FBXO34: variants seen among roughly 807,000 people sequenced by gnomAD.
FBXO34 encodes F-box only protein 34.
In FBXO34, 12 loss-of-function variants were observed where a neutral mutation model predicts 24.5. The ratio of observed to expected loss-of-function variants is 0.49; its 90% CI spans 0.31 to 0.79. The LOEUF (loss-of-function observed/expected upper bound fraction) is 0.79, where lower values mean the gene tolerates loss of function less well. Ranked by LOEUF, FBXO34 falls within the 30% of genes least tolerant of loss-of-function variation. The pLI is 0.04. For synonymous variants in FBXO34, 320 were observed against 311.9 expected, an observed-to-expected ratio of 1.03 and a Z score of -0.27; for missense variants, 823 against 857.7, an observed-to-expected ratio of 0.96 and a Z score of 0.51.
At chr14:55,434,076 A>G in the FBXO34 span, among the ~76,000 whole-genome samples, 1 of 152,138 alleles carries the variant, frequency 6.6e-6, no homozygotes, top group African/African-American at 2.4e-5. Context: ...AAGATTCAAA[A>G]CCCACACTAA....
At chr14:55,374,819 A>C (rs1369003338), downstream of FBXO34, among the ~76,000 whole-genome samples, 3 of 152,200 alleles carry the variant, frequency 2.0e-5, no homozygotes, top group Non-Finnish European at 4.4e-5. Flanking sequence ...TTCCACATAT[A>C]CAAGAGTCTG....
intron 1 of FBXO34, among the ~76,000 whole-genome samples, chr14:55,298,284 G>C (rs1305589354): frequency 1.3e-5 from 2 of 151,746 alleles, no homozygotes; most frequent in East Asian, 3.9e-4. Flanking sequence ...AGTTCTTTCA[G>C]TGTGGCCCAG....
At chr14:55,378,560 C>CCACA in the FBXO34 span, among the ~76,000 whole-genome samples, 1 of 152,146 alleles carries the variant, frequency 6.6e-6, no homozygotes, top group Non-Finnish European at 1.5e-5. Flanking sequence ...TTCTTTTTAC[C>CCACA]CACAGCCTCT....
the FBXO34 span, among the ~76,000 whole-genome samples, chr14:55,438,470 G>A: frequency 1.3e-5 from 2 of 152,108 alleles, no homozygotes; most frequent in African/African-American, 2.4e-5. Context: ...TCCACTGCAG[G>A]GTTTCCTTGG....
intron 1 of FBXO34, among the ~76,000 whole-genome samples, chr14:55,322,114 A>G (rs1883154815): frequency 1.3e-5 from 2 of 151,762 alleles, no homozygotes; most frequent in African/African-American, 4.8e-5. Flanking sequence ...CGAGGTCAGG[A>G]GATCGAGACC....
chr14:55,331,486 TA>T (rs1417055790), intron 1 of FBXO34, among the ~76,000 whole-genome samples: 2 of 150,388 alleles, frequency 1.3e-5, no homozygotes, highest in Non-Finnish European at 3.0e-5. Flanking sequence ...AATAAATACA[TA>T]ACACCTCAAT....
At chr14:55,283,156 T>A (rs1403020940) in intron 1 of FBXO34, among the ~76,000 whole-genome samples, 1 of 152,214 alleles carries the variant, frequency 6.6e-6, no homozygotes, top group Non-Finnish European at 1.5e-5. Context: ...TATCAAAATG[T>A]TTCCTGAAAA....
chr14:55,411,491 C>T, the FBXO34 span: 14 of 1,069,104 alleles, frequency 1.3e-5, no homozygotes, highest in Admixed American at 3.4e-4. Flanking sequence ...CTCTCTCGCT[C>T]CTCTCGCTGG....
At chr14:55,387,659 A>T in the FBXO34 span, among the ~76,000 whole-genome samples, 5 of 152,010 alleles carry the variant, frequency 3.3e-5, no homozygotes, top group Non-Finnish European at 7.4e-5. Context: ...GGTTGCACGC[A>T]TTAGATTTCT....
downstream of FBXO34, among the ~76,000 whole-genome samples, chr14:55,358,398 G>A (rs1884550235): frequency 6.6e-6 from 1 of 152,066 alleles, no homozygotes. Context: ...TATTTGCAGG[G>A]CCCATGGCAG....
At chr14:55,404,967 T>G in the FBXO34 span, among the ~76,000 whole-genome samples, 1 of 152,156 alleles carries the variant, frequency 6.6e-6, no homozygotes, top group Non-Finnish European at 1.5e-5. Context: ...AAACCTTTTA[T>G]AAGTTCTAAA....
At chr14:55,429,243 G>C in the FBXO34 span, among the ~76,000 whole-genome samples, 2 of 152,120 alleles carry the variant, frequency 1.3e-5, no homozygotes, top group East Asian at 1.9e-4. Context: ...ACTTTTACTT[G>C]GGTGTTATTT....
chr14:55,356,596 C>T (rs915874508), downstream of FBXO34, among the ~76,000 whole-genome samples: 5 of 151,786 alleles, frequency 3.3e-5, no homozygotes, highest in Admixed American at 2.6e-4. Flanking sequence ...TACAGGCATG[C>T]GCCACCACGT....
downstream of FBXO34, chr14:55,368,907 T>C (rs1334504172): frequency 2.0e-5 from 3 of 152,428 alleles, no homozygotes; most frequent in South Asian, 2.1e-4. Context: ...TACAAGAAAA[T>C]AGTTAAAAAC....
chr14:55,411,603 T>A, the FBXO34 span: 2 of 1,606,758 alleles, frequency 1.2e-6, no homozygotes, highest in Non-Finnish European at 1.7e-6. Flanking sequence ...CCGCCGTACC[T>A]CTCCCGGTCG....
chr14:55,330,071 A>G (rs2140044220), intron 1 of FBXO34, among the ~76,000 whole-genome samples: 1 of 152,328 alleles, frequency 6.6e-6, no homozygotes, highest in East Asian at 1.9e-4. Context: ...CAGTGGCATC[A>G]GATAGCCATG....
At chr14:55,428,441 C>T in the FBXO34 span, among the ~76,000 whole-genome samples, 2 of 151,996 alleles carry the variant, frequency 1.3e-5, no homozygotes, top group African/African-American at 4.8e-5. Flanking sequence ...TGTATGCTTA[C>T]AAATCTGTAG....
At chr14:55,377,999 G>A in the FBXO34 span, 8 of 1,610,170 alleles carry the variant, frequency 5.0e-6, no homozygotes, top group Non-Finnish European at 6.8e-6. Flanking sequence ...AAAAACAAAG[G>A]TAAAGAATAT....
chr14:55,378,131 A>C, the FBXO34 span: 32 of 1,477,196 alleles, frequency 2.2e-5, no homozygotes, highest in Middle Eastern at 1.9e-4. Context: ...TTCTATGTTA[A>C]AATTTCCATT....
Sources: gnomAD v4.1 joint callset for allele counts (sites outside exome capture counted in the v4.1 genomes callset) on GRCh38, gnomAD v4.1.1 for gene constraint, MANE v1.5 for transcripts, NCBI Gene and HGNC (gene_info 2026-07-23, HGNC 2026-07-21) for gene names.